Variants in SLC30A7 observed in about 807,000 individuals in gnomAD.
SLC30A7 encodes the protein solute carrier family 30 member 7, also known as zinc transporter 7.
A neutral mutation model predicts 46.0 loss-of-function variants in SLC30A7; 35 were observed. The observed-to-expected ratio is 0.76, with a 90% CI of 0.58 to 1.01. The LOEUF (loss-of-function observed/expected upper bound fraction) is 1.01. Ranked by LOEUF, SLC30A7 falls within the 50% of genes least tolerant of loss-of-function variation. The probability of loss-of-function intolerance (pLI) is 0.00; values close to 1 mark genes in which losing one functional copy is unlikely to be tolerated. For missense variants in SLC30A7, 464 were observed against 451.1 expected (o/e 1.03, Z -0.26); for synonymous variants, 147 against 157.8 (o/e 0.93, Z 0.51).
chr1:100,991,199 T>C, the SLC30A7 span, among the ~76,000 whole-genome samples: 1 of 152,224 alleles, frequency 6.6e-6, no homozygotes, highest in Non-Finnish European at 1.5e-5. Context: ...CCTTAACAAA[T>C]AATGAGCATT....
At chr1:100,947,291 T>C (rs1654694728) in intron 8 of SLC30A7, among the ~76,000 whole-genome samples, 1 of 152,218 alleles carries the variant, frequency 6.6e-6, no homozygotes, top group Non-Finnish European at 1.5e-5. Context: ...AACATCTTTA[T>C]TTCTGCCTTC....
intron 8 of SLC30A7, among the ~76,000 whole-genome samples, chr1:100,934,169 C>T (rs1653822230): frequency 6.6e-6 from 1 of 152,158 alleles, no homozygotes; most frequent in African/African-American, 2.4e-5. Context: ...TTCTGGACCC[C>T]TCTGTTTTCT....
At chr1:100,952,727 A>G (rs773283842) in intron 8 of SLC30A7, among the ~76,000 whole-genome samples, 24 of 152,212 alleles carry the variant, frequency 1.6e-4, no homozygotes, top group Admixed American at 5.9e-4. Flanking sequence ...GCATCATTTA[A>G]GAGGACAAAA....
At chr1:100,988,167 T>C in the SLC30A7 span, among the ~76,000 whole-genome samples, 1 of 152,284 alleles carries the variant, frequency 6.6e-6, no homozygotes, top group East Asian at 1.9e-4. Flanking sequence ...TCTGACACCT[T>C]CATTTCTAGG....
intron 2 of SLC30A7, among the ~76,000 whole-genome samples, chr1:100,906,411 C>G (rs1651673389): frequency 6.6e-6 from 1 of 152,168 alleles, no homozygotes; most frequent in South Asian, 2.1e-4. Flanking sequence ...CAGCCTGTCC[C>G]CACTGTCCTC....
chr1:100,920,598 T>A (rs1652874079), intron 7 of SLC30A7, among the ~76,000 whole-genome samples: 1 of 151,996 alleles, frequency 6.6e-6, no homozygotes. Flanking sequence ...TTTCCATCAG[T>A]GGCAGATAAA....
At chr1:100,945,376 A>ACC (rs1654569226) in intron 8 of SLC30A7, among the ~76,000 whole-genome samples, 1 of 152,156 alleles carries the variant, frequency 6.6e-6, no homozygotes, top group South Asian at 2.1e-4. Context: ...TTATGTCCTG[A>ACC]ATGGTATTGC....
the SLC30A7 span, among the ~76,000 whole-genome samples, chr1:100,994,934 C>T: frequency 2.6e-3 from 400 of 152,312 alleles, no homozygotes; most frequent in Non-Finnish European, 4.0e-3. Flanking sequence ...AAATATATTG[C>T]TATTTCTACT....
chr1:100,941,692 GCT>G, intron 8 of SLC30A7: 2 of 641,562 alleles, frequency 3.1e-6, no homozygotes, highest in South Asian at 2.7e-5. Context: ...TCTTGAGACA[GCT>G]CTCTTTGGTT....
chr1:100,912,705 A>G (rs1652186204), intron 5 of SLC30A7, among the ~76,000 whole-genome samples: 1 of 150,076 alleles, frequency 6.7e-6, no homozygotes, highest in Admixed American at 6.7e-5. Context: ...ACAGAGTGAG[A>G]CTCCATCTCA....
intron 8 of SLC30A7, among the ~76,000 whole-genome samples, chr1:100,958,560 C>T (rs1016396048): frequency 2.0e-5 from 3 of 152,132 alleles, no homozygotes; most frequent in Non-Finnish European, 4.4e-5. Context: ...AAATGTTTCC[C>T]CTTTTTCCAG....
chr1:100,950,475 A>C (rs1053185619), intron 8 of SLC30A7, among the ~76,000 whole-genome samples: 7 of 152,196 alleles, frequency 4.6e-5, no homozygotes, highest in Non-Finnish European at 1.5e-5. Context: ...CAGAATGGAA[A>C]TTGGGTGTCA....
intron 3 of SLC30A7, among the ~76,000 whole-genome samples, chr1:100,907,361 T>C (rs990986017): frequency 1.3e-5 from 2 of 152,228 alleles, no homozygotes; most frequent in Non-Finnish European, 2.9e-5. Flanking sequence ...TTATGTTCTT[T>C]AGCTCTGCTT....
chr1:100,932,574 G>T (rs1653724291), intron 8 of SLC30A7, among the ~76,000 whole-genome samples: 2 of 152,102 alleles, frequency 1.3e-5, no homozygotes, highest in South Asian at 4.2e-4. Flanking sequence ...TATATGTGTA[G>T]GTCTGTGATT....
At chr1:100,962,004 G>T (rs78664684) in intron 9 of SLC30A7, 86 bp downstream of exon 9, 1 of 689,252 alleles carries the variant, frequency 1.5e-6, no homozygotes. Context: ...GGTAACATGT[G>T]TGTATAATTG....
In SLC30A7 at chr1:100,965,837, T is replaced by C. The variant is rs1655827968; in HGVS notation, c.1002T>C (p.Tyr334=). The change falls in exon 10 of 11, where the codon TAT becomes TAC. Residue 334 remains tyrosine (Y), a synonymous_variant. Transcript: ENST00000357650. Reference sequence around the variant, plus strand: ...TCTGGACTTTATGTTCTGACGTTTATGTTGGGACCTTGAAATTAATAGTAG... The same window carrying C: ...TCTGGACTTTATGTTCTGACGTTTACGTTGGGACCTTGAAATTAATAGTAG... ...QHFWTLCSDV[Y]VGTLKLIVAP... 3.7e-6 allele frequency: 6 copies of C among 1,613,948 alleles called. No individual in the cohort carries two copies. The highest frequency in any genetic ancestry group is 5.1e-6 in the Non-Finnish European group (6 of 1,179,810).
At chr1:100,911,934 T>C (rs1557978529) in intron 4 of SLC30A7, among the ~76,000 whole-genome samples, 178 bp from the exon 5 acceptor site, 1 of 152,242 alleles carries the variant, frequency 6.6e-6, no homozygotes, top group Non-Finnish European at 1.5e-5. Context: ...ATAGTAATTG[T>C]TACTTTTTCT....
intron 6 of SLC30A7, among the ~76,000 whole-genome samples, chr1:100,915,163 C>CTTCTT (rs764316586): frequency 7.0e-6 from 1 of 142,394 alleles, no homozygotes; most frequent in African/African-American, 2.7e-5. Flanking sequence ...CCCTTCCTCA[C>CTTCTT]TTCTTTTCTT....
chr1:100,941,879 C>G, intron 8 of SLC30A7: 1 of 414,892 alleles, frequency 2.4e-6, no homozygotes, highest in Non-Finnish European at 4.6e-6. Context: ...TGAGTGTTCC[C>G]CATTGCTCGG....
Sources: gnomAD v4.1 joint callset for allele counts (sites outside exome capture counted in the v4.1 genomes callset) on GRCh38, gnomAD v4.1.1 for gene constraint, MANE v1.5 for transcripts, NCBI Gene and HGNC (gene_info 2026-07-23, HGNC 2026-07-21) for gene names.